The following INO80 variants were observed in gnomAD, a reference collection of about 807,000 sequenced individuals.
INO80 encodes the protein INO80 complex ATPase subunit.
In INO80, 20 loss-of-function variants were observed where a neutral mutation model predicts 203.4. The ratio of observed to expected loss-of-function variants is 0.10; its 90% confidence interval spans 0.07 to 0.14. The LOEUF (loss-of-function observed/expected upper bound fraction) is 0.14. Among genes scored for constraint, INO80 ranks in the 10% least tolerant of loss-of-function variants. The pLI, the probability that INO80 is intolerant of heterozygous loss-of-function variation, is 1.00. For missense variants in INO80, 1,419 were observed against 1,914.4 expected, an observed-to-expected ratio of 0.74 and a Z score of 4.83; for synonymous variants, 726 against 685.2, an observed-to-expected ratio of 1.06 and a Z score of -0.93.
intron 13 of INO80, among the ~76,000 whole-genome samples, 159 bp from the exon 14 acceptor site, chr15:41,069,824 TTAA>T (rs1308756209): frequency 5.9e-5 from 9 of 152,182 alleles, no homozygotes; most frequent in African/African-American, 2.2e-4. Flanking sequence ...ATATCCTATG[TTAA>T]TAATAAGAAC....
intron 24 of INO80, chr15:41,027,957 T>G (rs914790942): frequency 3.1e-6 from 1 of 325,374 alleles, no homozygotes; most frequent in African/African-American, 2.1e-5. Flanking sequence ...TAAACAACTG[T>G]CATTTATAAT....
intron 9 of INO80, among the ~76,000 whole-genome samples, chr15:41,078,846 A>T (rs552036063): frequency 1.3e-5 from 2 of 152,292 alleles, no homozygotes; most frequent in African/African-American, 4.8e-5. Context: ...CTGCAAGTTA[A>T]AACAGTAAAG....
intron 14 of INO80, among the ~76,000 whole-genome samples, chr15:41,060,389 G>A (rs1433468346): frequency 6.6e-6 from 1 of 152,058 alleles, no homozygotes; most frequent in African/African-American, 2.4e-5. Flanking sequence ...AGGAGTTGGA[G>A]ACCAGCCTGG....
chr15:41,065,114 A>G (rs796376688), intron 14 of INO80, among the ~76,000 whole-genome samples: 42 of 152,316 alleles, frequency 2.8e-4, no homozygotes, highest in African/African-American at 1.0e-3. Context: ...TTTAAAAAGT[A>G]AAAACTATTC....
At chr15:41,008,242 CACA>C (rs1216067630) in intron 27 of INO80, among the ~76,000 whole-genome samples, 1 of 151,986 alleles carries the variant, frequency 6.6e-6, no homozygotes, top group Admixed American at 6.6e-5. Flanking sequence ...CACACACACA[CACA>C]CACACACACG....
intron 8 of INO80, among the ~76,000 whole-genome samples, chr15:41,080,156 G>C (rs1409901520): frequency 6.6e-6 from 1 of 152,082 alleles, no homozygotes; most frequent in Non-Finnish European, 1.5e-5. Flanking sequence ...TGATGAAGAA[G>C]GACCTGGGAT....
chr15:41,008,486 A>C (rs2044084063), intron 27 of INO80, among the ~76,000 whole-genome samples: 1 of 152,202 alleles, frequency 6.6e-6, no homozygotes, highest in Non-Finnish European at 1.5e-5. Context: ...AAATGAAAAA[A>C]TCCTGGAGAT....
At chr15:41,051,349 G>C (rs1453210862) in intron 19 of INO80, among the ~76,000 whole-genome samples, 1 of 151,642 alleles carries the variant, frequency 6.6e-6, no homozygotes, top group Non-Finnish European at 1.5e-5. Flanking sequence ...CTCATCATTT[G>C]AAACCTAGCT....
intron 26 of INO80, chr15:41,018,430 C>G (rs2044242108): frequency 6.6e-6 from 1 of 152,174 alleles, no homozygotes; most frequent in Non-Finnish European, 1.5e-5. Flanking sequence ...CTTATAAAGA[C>G]AGAACTCTAA....
intron 12 of INO80, among the ~76,000 whole-genome samples, chr15:41,070,754 C>T (rs1000133892): frequency 6.6e-6 from 1 of 152,192 alleles, no homozygotes; most frequent in African/African-American, 2.4e-5. Context: ...TGAGACAGGG[C>T]AAGGCCAATC....
intron 24 of INO80, among the ~76,000 whole-genome samples, chr15:41,033,391 T>C (rs2044520983): frequency 6.6e-6 from 1 of 150,982 alleles, no homozygotes; most frequent in Admixed American, 6.6e-5. Flanking sequence ...TGGGGTGCAG[T>C]AGTGTGATCA....
chr15:41,090,785 T>C (rs1489477904), intron 5 of INO80, among the ~76,000 whole-genome samples: 1 of 151,886 alleles, frequency 6.6e-6, no homozygotes, highest in African/African-American at 2.4e-5. Flanking sequence ...GTTATGTGAA[T>C]TACATCTCAA....
chr15:40,996,019 G>T (rs2043876462), intron 29 of INO80, among the ~76,000 whole-genome samples: 1 of 152,084 alleles, frequency 6.6e-6, no homozygotes, highest in Non-Finnish European at 1.5e-5. Flanking sequence ...ATTACAGAAT[G>T]TGTAGTATCA....
At chr15:41,098,320 A>G (rs1378059576) in intron 1 of INO80, among the ~76,000 whole-genome samples, 1 of 152,228 alleles carries the variant, frequency 6.6e-6, no homozygotes, top group Non-Finnish European at 1.5e-5. Flanking sequence ...CAAAAGCACA[A>G]AAGATCAAAA....
At chr15:41,071,761 A>C in intron 12 of INO80, 88 bp downstream of exon 12, 1 of 1,241,866 alleles carries the variant, frequency 8.1e-7, no homozygotes, top group Non-Finnish European at 1.2e-6. Context: ...GCGCTCAGCC[A>C]GATCTTGTAC....
At position 41,023,774 on chromosome 15, in the gene INO80, AAAAAAAAAAC is replaced by A. The variant is rs1183413470; in HGVS notation, c.3049-2659_3049-2650del. 5.3e-4 allele frequency among the ~76,000 whole-genome samples: 78 copies of A among 148,346 alleles called. 3 individuals are homozygous for A. In the East Asian group the frequency reaches 9.3e-3, roughly 18 times the overall value. The stretch of plus-strand genomic sequence containing the variant: ...ACAGAGTGAGACTCTGTCTCAAAAA[AAAAAAAAAAC>A]AAAACAAAACGAAAAAAAGAAACAA... On this transcript the variant is annotated intron_variant, in intron 25 of 35. Transcript: ENST00000648947.
At position 41,044,964 on chromosome 15, in the gene INO80, G is replaced by A. The variant is rs1301776777; in HGVS notation, c.2847C>T (p.Phe949=). The part of the protein sequence containing the change: ...SHQRYLRNKD[F]LLGVNFPLSF... ...AGAGTGGAAAATTAACCCCAAGAAG[G>A]AAATCCTTGTTCCTCAGGTATCTCT... Residue 949 remains phenylalanine, a synonymous_variant, in exon 24 of 36, where the codon TTC becomes TTT. Coordinates refer to ENST00000648947, the MANE Select transcript of INO80 (RefSeq NM_017553.3). The A allele has an allele frequency of 1.2e-6, 2 of 1,613,816 alleles. No individual in the cohort carries two copies. The highest frequency in any genetic ancestry group is 1.7e-5 in the Admixed American group (1 of 59,946).
chr15:41,001,375 C>T (rs534439370), intron 28 of INO80, among the ~76,000 whole-genome samples: 2 of 152,174 alleles, frequency 1.3e-5, no homozygotes, highest in South Asian at 4.1e-4. Flanking sequence ...TGACTTTGCA[C>T]CAACATACCC....
At position 41,069,677 on chromosome 15, in the gene INO80, A is replaced by T; in HGVS notation, c.1687-12T>A. On this transcript the variant is annotated splice_polypyrimidine_tract_variant and intron_variant, in intron 13 of 35. Coordinates refer to ENST00000648947, the MANE Select transcript of INO80 (RefSeq NM_017553.3). ...CAAATGTTCTCTCTCTGCAACAGAA[A>T]AACCCAGTCAGCCAACTACAGGAAA... The T allele has an allele frequency of 6.5e-7, 1 of 1,530,604 alleles. No individual in the cohort carries two copies. Among genetic ancestry groups the T allele is most frequent in the South Asian group, 1.2e-5 (1 of 86,260 alleles). The allele number at this position is 1,530,604 out of a possible 1,614,324, so 94.8% of individuals were successfully genotyped here.
Sources: allele counts gnomAD v4.1 joint callset (sites outside exome capture counted in the v4.1 genomes callset), GRCh38; gene constraint gnomAD v4.1.1; transcripts MANE v1.5; gene names NCBI Gene and HGNC (gene_info 2026-07-23, HGNC 2026-07-21).